NCAM2: variants seen among roughly 807,000 people sequenced by gnomAD.
NCAM2 encodes N-CAM-2.
A neutral mutation model predicts 98.1 loss-of-function variants in NCAM2; 30 were observed. That is an observed-to-expected ratio of 0.31 (90% confidence interval 0.23 to 0.41). The LOEUF (loss-of-function observed/expected upper bound fraction) is 0.41. Among genes scored for constraint, NCAM2 ranks in the 10% least tolerant of loss-of-function variants. The probability of loss-of-function intolerance (pLI) is 1.00; values close to 1 mark genes in which losing one functional copy is unlikely to be tolerated. For synonymous variants in NCAM2, 368 were observed against 342.4 expected, an observed-to-expected ratio of 1.07 and a Z score of -0.83; for missense variants, 867 against 1,005.8, an observed-to-expected ratio of 0.86 and a Z score of 1.87.
chr21:21,253,043 T>C (rs1249005630), intron 1 of NCAM2, among the ~76,000 whole-genome samples: 2 of 152,200 alleles, frequency 1.3e-5, no homozygotes, highest in Non-Finnish European at 2.9e-5. Context: ...ATCTTCCCTT[T>C]TCTCTGATCT....
intron 12 of NCAM2, among the ~76,000 whole-genome samples, chr21:21,450,759 C>T (rs1980908731): frequency 6.7e-6 from 1 of 150,040 alleles, no homozygotes. Flanking sequence ...TTGTGTTATT[C>T]CTCCTCCCCA....
intron 5 of NCAM2, among the ~76,000 whole-genome samples, chr21:21,298,778 G>A (rs1476341892): frequency 6.6e-6 from 1 of 151,548 alleles, no homozygotes; most frequent in Non-Finnish European, 1.5e-5. Context: ...TACACTTAGT[G>A]TCATAATATC....
At chr21:21,288,717 G>C (rs2073188333) in intron 4 of NCAM2, among the ~76,000 whole-genome samples, 1 of 151,750 alleles carries the variant, frequency 6.6e-6, no homozygotes, top group South Asian at 2.1e-4. Context: ...TATTAAAGCT[G>C]ATGAAATAAG....
intron 16 of NCAM2, among the ~76,000 whole-genome samples, chr21:21,511,628 A>C (rs1356441509): frequency 3.9e-5 from 6 of 151,962 alleles, no homozygotes; most frequent in African/African-American, 1.2e-4. Context: ...TCACTGGATC[A>C]CATGGTAGTT....
At chr21:21,067,892 A>G (rs2065473389) in intron 1 of NCAM2, among the ~76,000 whole-genome samples, 1 of 152,090 alleles carries the variant, frequency 6.6e-6, no homozygotes, top group Non-Finnish European at 1.5e-5. Context: ...ATAGAGATGG[A>G]TGATGTATAT....
intron 9 of NCAM2, among the ~76,000 whole-genome samples, chr21:21,384,265 A>G (rs2076216866): frequency 6.6e-6 from 1 of 151,772 alleles, no homozygotes; most frequent in Non-Finnish European, 1.5e-5. Context: ...CATGGATTAT[A>G]TTTACATATT....
chr21:21,278,799 TA>T (rs1000261754), intron 1 of NCAM2, among the ~76,000 whole-genome samples: 1 of 152,210 alleles, frequency 6.6e-6, no homozygotes, highest in Non-Finnish European at 1.5e-5. Context: ...TTTATTTATT[TA>T]TTTTTTTTGG....
chr21:21,198,396 C>T (rs927526449), intron 1 of NCAM2, among the ~76,000 whole-genome samples: 2 of 151,752 alleles, frequency 1.3e-5, no homozygotes, highest in South Asian at 2.1e-4. Flanking sequence ...TCAAGTTGGC[C>T]GGAATGTACT....
chr21:21,005,643 G>A (rs919134081), intron 1 of NCAM2, among the ~76,000 whole-genome samples: 1 of 151,940 alleles, frequency 6.6e-6, no homozygotes, highest in African/African-American at 2.4e-5. Flanking sequence ...TAAATGTTGT[G>A]TAGTATACTT....
chr21:21,413,865 C>G (rs934695193), intron 10 of NCAM2, among the ~76,000 whole-genome samples: 1 of 152,140 alleles, frequency 6.6e-6, no homozygotes, highest in Non-Finnish European at 1.5e-5. Flanking sequence ...TGTTAATTAA[C>G]ACTTCCTTTC....
At chr21:21,142,062 T>C (rs1681059491) in intron 1 of NCAM2, among the ~76,000 whole-genome samples, 1 of 152,220 alleles carries the variant, frequency 6.6e-6, no homozygotes, top group Non-Finnish European at 1.5e-5. Flanking sequence ...TAATCGGTCA[T>C]GTTACATCTT....
At chr21:21,039,002 A>T (rs2064851226) in intron 1 of NCAM2, among the ~76,000 whole-genome samples, 1 of 152,210 alleles carries the variant, frequency 6.6e-6, no homozygotes, top group African/African-American at 2.4e-5. Flanking sequence ...AGAGAAACTA[A>T]GACTTAAAAC....
At chr21:21,385,786 T>C in intron 9 of NCAM2, 1 of 372,668 alleles carries the variant, frequency 2.7e-6, no homozygotes, top group Non-Finnish European at 3.7e-6. Flanking sequence ...AATTAGAATA[T>C]CATTAAGTTT....
chr21:21,441,909 CTA>C (rs1258558031), intron 12 of NCAM2, among the ~76,000 whole-genome samples: 1 of 152,072 alleles, frequency 6.6e-6, no homozygotes, highest in Non-Finnish European at 1.5e-5. Flanking sequence ...AAGGGGTACT[CTA>C]TGTAATGAAC....
intron 9 of NCAM2, among the ~76,000 whole-genome samples, chr21:21,390,398 G>T (rs114164053): frequency 6.6e-6 from 1 of 152,100 alleles, no homozygotes; most frequent in Non-Finnish European, 1.5e-5. Context: ...CTGATCGGAG[G>T]TACAAGCAGT....
At chr21:21,411,046 A>G (rs201245481) in intron 10 of NCAM2, among the ~76,000 whole-genome samples, 8 of 48,752 alleles carry the variant, frequency 1.6e-4, no homozygotes, top group South Asian at 7.9e-4. Context: ...ACATATATAT[A>G]TGTGTGTGTA....
intron 1 of NCAM2, among the ~76,000 whole-genome samples, chr21:21,155,213 A>C (rs1345548132): frequency 1.3e-5 from 2 of 151,068 alleles, no homozygotes; most frequent in African/African-American, 2.4e-5. Context: ...AAGGCACTTC[A>C]GAAAATGTTT....
intron 1 of NCAM2, among the ~76,000 whole-genome samples, chr21:21,252,743 T>G (rs1271327731): frequency 6.6e-6 from 1 of 152,116 alleles, no homozygotes; most frequent in Non-Finnish European, 1.5e-5. Flanking sequence ...GAAAATGAAT[T>G]CATCTCGTGT....
chr21:21,511,712 C>T (rs1988396234), intron 16 of NCAM2, among the ~76,000 whole-genome samples: 1 of 151,986 alleles, frequency 6.6e-6, no homozygotes, highest in South Asian at 2.1e-4. Context: ...TCCCACTAAT[C>T]CACAAGTGTA....
Sources: gnomAD v4.1 joint callset for allele counts (sites outside exome capture counted in the v4.1 genomes callset) on GRCh38, gnomAD v4.1.1 for gene constraint, MANE v1.5 for transcripts, NCBI Gene and HGNC (gene_info 2026-07-23, HGNC 2026-07-21) for gene names.